NFX1: variants seen among roughly 807,000 people sequenced by gnomAD.
NFX1 encodes nuclear transcription factor, X-box binding 1.
A neutral mutation model predicts 137.2 loss-of-function variants in NFX1; 69 were observed. The observed-to-expected ratio is 0.50, with a 90% CI of 0.41 to 0.61. The LOEUF is 0.61. Ranked by LOEUF, NFX1 falls within the 20% of genes least tolerant of loss-of-function variation. NFX1 has a pLI of 0.00. For synonymous variants in NFX1, 495 were observed against 474.1 expected, an observed-to-expected ratio of 1.04 and a Z score of -0.57; for missense variants, 1,167 against 1,391.0, an observed-to-expected ratio of 0.84 and a Z score of 2.56.
rs749643279 is a variant in NFX1, at chr9:33,354,197, A to T, written c.2831+10A>T. The T allele has an allele frequency of 2.2e-5, 35 of 1,602,952 alleles. No individual in the cohort carries two copies. In the Admixed American group the frequency reaches 5.8e-4, roughly 26 times the overall value. On this transcript the variant is annotated intron_variant, in intron 18 of 23. Coordinates refer to ENST00000379540, the MANE Select transcript of NFX1 (RefSeq NM_002504.6). Reference sequence around the variant, plus strand: ...AAGTTCATCAAGCCAGGTAATTTTTAAAATGCATATATGTGCCTTCTTTCT... The same window carrying T: ...AAGTTCATCAAGCCAGGTAATTTTTTAAATGCATATATGTGCCTTCTTTCT...
At chr9:33,322,485 T>TC (rs1381057894) in intron 9 of NFX1, among the ~76,000 whole-genome samples, 1 of 152,046 alleles carries the variant, frequency 6.6e-6, no homozygotes, top group Non-Finnish European at 1.5e-5. Context: ...CCCCTCCAAC[T>TC]CCAAGTTGAA....
Position 33,290,592 on chromosome 9 carries a change from T to C in NFX1, c.20T>C (p.Val7Ala), listed in dbSNP as rs1821119800. The C allele has an allele frequency of 8.1e-6, 13 of 1,613,720 alleles. No individual in the cohort carries two copies. The highest frequency in any genetic ancestry group is 1.1e-5 in the Non-Finnish European group (13 of 1,179,922). Residue 7 changes from valine (V) to alanine (A), a missense_variant, in exon 1 of 24, where the codon GTC becomes GCC. This residue lies in a region of NFX1 where 367 missense variants were observed against 386.7 expected (regional missense o/e 0.95). Coordinates refer to ENST00000379540, the MANE Select transcript of NFX1 (RefSeq NM_002504.6). Reference protein sequence around the residue: MAEAPPVSGTFKFNTDA... With the variant: MAEAPPASGTFKFNTDA... ...CACGGGATGGCGGAGGCGCCTCCTG[T>C]CTCAGGTATTGTCCCGGCCCGAGCG...
rs185384893 is a variant in NFX1, at chr9:33,352,738, T to C, written c.2729+19T>C. 602 of 1,594,832 alleles carry C rather than the reference T, an allele frequency of 3.8e-4. 7 individuals are homozygous for C. The East Asian group carries it at 0.013, about 33-fold the overall frequency. On this transcript the variant is annotated intron_variant, in intron 17 of 23. Transcript: ENST00000379540. ...ATCAAAGGTTAGTGTTACTTAAATG[T>C]TAACAACTGATGGCCTAGGTGAAAC...
intron 15 of NFX1, 149 bp downstream of exon 15, chr9:33,347,266 T>C: frequency 1.6e-6 from 1 of 620,344 alleles, no homozygotes; most frequent in Non-Finnish European, 2.8e-6. Flanking sequence ...AAGATATAAT[T>C]TGCATACAAC....
At chr9:33,306,044 A>G (rs953709831) in intron 4 of NFX1, among the ~76,000 whole-genome samples, 1 of 152,186 alleles carries the variant, frequency 6.6e-6, no homozygotes, top group African/African-American at 2.4e-5. Flanking sequence ...AGCTCTTGAG[A>G]GATGTTAGAG....
At chr9:33,350,000 C>T (rs1823576808) in intron 15 of NFX1, among the ~76,000 whole-genome samples, 1 of 151,890 alleles carries the variant, frequency 6.6e-6, no homozygotes, top group Non-Finnish European at 1.5e-5. Context: ...GAGCAAGATT[C>T]TGCCTCAAAA....
chr9:33,362,467 T>C (rs1286861146), intron 19 of NFX1, among the ~76,000 whole-genome samples: 2 of 152,086 alleles, frequency 1.3e-5, no homozygotes, highest in Non-Finnish European at 2.9e-5. Context: ...TGCAACAACA[T>C]GGATGGACCT....
chr9:33,335,387 T>C (rs1255167086), intron 11 of NFX1, among the ~76,000 whole-genome samples: 1 of 151,874 alleles, frequency 6.6e-6, no homozygotes, highest in Non-Finnish European at 1.5e-5. Flanking sequence ...CCCACCACCA[T>C]GCCTGGCTAA....
intron 4 of NFX1, among the ~76,000 whole-genome samples, chr9:33,306,406 A>G (rs777322909): frequency 6.6e-6 from 1 of 152,240 alleles, no homozygotes; most frequent in Non-Finnish European, 1.5e-5. Context: ...ACATTTGGAC[A>G]TATGGGTCTG....
intron 18 of NFX1, 27 bp from the exon 19 acceptor site, chr9:33,354,818 CTGACTT>C: frequency 6.2e-7 from 1 of 1,603,858 alleles, no homozygotes; most frequent in Non-Finnish European, 8.5e-7. Flanking sequence ...AGTCTGTATT[CTGACTT>C]TAATTTTTTT....
chr9:33,299,507 A>G (rs1821475383), intron 2 of NFX1, among the ~76,000 whole-genome samples: 1 of 152,150 alleles, frequency 6.6e-6, no homozygotes, highest in Non-Finnish European at 1.5e-5. Flanking sequence ...CAACAGAGGT[A>G]GACCCCATCT....
chr9:33,307,378 G>A, intron 5 of NFX1, 79 bp downstream of exon 5: 1 of 1,213,912 alleles, frequency 8.2e-7, no homozygotes, highest in African/African-American at 1.5e-5. Flanking sequence ...TACCTGGTTA[G>A]CATGTAATGG....
chr9:33,349,812 T>C (rs757083888), intron 15 of NFX1, among the ~76,000 whole-genome samples: 2 of 152,100 alleles, frequency 1.3e-5, no homozygotes, highest in Non-Finnish European at 2.9e-5. Context: ...AACAGCCTCC[T>C]AGCCTGGGCA....
chr9:33,364,213 AGTTT>A (rs1240594464), intron 20 of NFX1, 105 bp downstream of exon 20: 10 of 683,616 alleles, frequency 1.5e-5, no homozygotes, highest in Admixed American at 9.4e-5. Flanking sequence ...AGCCAGTTCA[AGTTT>A]GTTTGTTTAT....
rs1032755310 is a variant in NFX1 at position 33,370,241 on chromosome 9, C to G, written c.*263C>G. ...TTCAAAGAGGCTCTTTACACCATCA[C>G]TGTGATTGCTCTGAGAGTTGAGGGA... On this transcript the variant is annotated 3_prime_UTR_variant, in exon 24 of 24. Coordinates refer to ENST00000379540, the MANE Select transcript of NFX1 (RefSeq NM_002504.6). The G allele has an allele frequency of 1.2e-5, 4 of 328,854 alleles. No homozygotes were observed. The highest frequency in any genetic ancestry group is 2.2e-5 in the Non-Finnish European group (4 of 183,230). The allele number at this position is 328,854 out of a possible 1,614,324, so 20.4% of individuals were successfully genotyped here.
At chr9:33,320,973 A>G (rs1822362425) in intron 9 of NFX1, among the ~76,000 whole-genome samples, 1 of 152,344 alleles carries the variant, frequency 6.6e-6, no homozygotes, top group East Asian at 1.9e-4. Flanking sequence ...TTTAATATAC[A>G]TTCCAGCTGC....
chr9:33,343,985 A>C (rs1823318135), intron 13 of NFX1, 84 bp from the exon 14 acceptor site: 4 of 1,562,312 alleles, frequency 2.6e-6, no homozygotes, highest in Non-Finnish European at 3.5e-6. Flanking sequence ...ACAAGCAAAA[A>C]TGTGTGTGTT....
At chr9:33,338,825 A>G (rs1377660855) in intron 12 of NFX1, among the ~76,000 whole-genome samples, 1 of 152,130 alleles carries the variant, frequency 6.6e-6, no homozygotes, top group Non-Finnish European at 1.5e-5. Flanking sequence ...AACACAGAGG[A>G]AGAGAAAGAG....
intron 19 of NFX1, among the ~76,000 whole-genome samples, chr9:33,356,599 T>A (rs972171981): frequency 7.2e-5 from 11 of 152,342 alleles, no homozygotes; most frequent in African/African-American, 2.6e-4. Flanking sequence ...GACAATATTC[T>A]GTTATTATCT....
Sources: allele counts gnomAD v4.1 joint callset (sites outside exome capture counted in the v4.1 genomes callset), GRCh38; gene constraint gnomAD v4.1.1; regional missense constraint gnomAD v4.1.1; transcripts MANE v1.5; gene names NCBI Gene and HGNC (gene_info 2026-07-23, HGNC 2026-07-21).